The following ZFYVE28 variants were observed in gnomAD, a reference collection of about 807,000 sequenced individuals.
ZFYVE28 encodes lateral signaling target protein 2 homolog.
A neutral mutation model predicts 82.1 loss-of-function variants in ZFYVE28; 40 were observed. The observed-to-expected ratio is 0.49, with a 90% CI of 0.38 to 0.63. The LOEUF (loss-of-function observed/expected upper bound fraction) is 0.63, where lower values mean the gene tolerates loss of function less well. Among genes scored for constraint, ZFYVE28 ranks in the 30% least tolerant of loss-of-function variants. The pLI is 0.00. For synonymous variants in ZFYVE28, 612 were observed against 546.1 expected (o/e 1.12, Z -1.68); for missense variants, 1,321 against 1,242.1 (o/e 1.06, Z -0.96).
intron 8 of ZFYVE28, among the ~76,000 whole-genome samples, chr4:2,298,303 G>C (rs577974222): frequency 6.6e-6 from 1 of 152,154 alleles, no homozygotes; most frequent in Non-Finnish European, 1.5e-5. Context: ...GTGGTGATGC[G>C]TGAGGAGTGC....
intron 7 of ZFYVE28, among the ~76,000 whole-genome samples, chr4:2,309,431 CG>C (rs752589251): frequency 2.0e-4 from 31 of 152,266 alleles, no homozygotes; most frequent in East Asian, 9.6e-4. Flanking sequence ...GATTTCATTT[CG>C]CATTTATTTA....
intron 1 of ZFYVE28, among the ~76,000 whole-genome samples, chr4:2,392,811 A>G (rs1000764878): frequency 6.6e-6 from 1 of 152,142 alleles, no homozygotes; most frequent in Non-Finnish European, 1.5e-5. Flanking sequence ...CCCATACCCA[A>G]TATTTAAAGT....
chr4:2,350,895 T>G (rs947685437), intron 2 of ZFYVE28, among the ~76,000 whole-genome samples: 4 of 152,222 alleles, frequency 2.6e-5, no homozygotes, highest in Admixed American at 1.3e-4. Flanking sequence ...TTGGGACCCT[T>G]CCCGACCTTA....
At chr4:2,287,814 C>G (rs572081409) in intron 8 of ZFYVE28, 1 of 152,358 alleles carries the variant, frequency 6.6e-6, no homozygotes, top group South Asian at 2.1e-4. Context: ...GCGAGGGGGG[C>G]ACTCTGAGGG....
Position 2,339,274 on chromosome 4 carries a change from C to T in ZFYVE28, c.521+179G>A, listed in dbSNP as rs1722363007. ...TCACCCCACTCCCTGGAAAGATGCCCCACCTCACCTCCACGCTATGCTCTC... is the reference window on the plus strand; with the variant it reads ...TCACCCCACTCCCTGGAAAGATGCCTCACCTCACCTCCACGCTATGCTCTC... On this transcript the variant is annotated intron_variant, in intron 4 of 12. Coordinates refer to ENST00000290974, the MANE Select transcript of ZFYVE28 (RefSeq NM_020972.3). This position sits in a 1 kb window ranked among gnomAD's most constrained non-coding sequence, Gnocchi z 5.0. 6.6e-6 allele frequency among the ~76,000 whole-genome samples: 1 copy of T among 152,194 alleles called. No individual in the cohort carries two copies. Among genetic ancestry groups the T allele is most frequent in the African/African-American group, 2.4e-5 (1 of 41,438 alleles).
At chr4:2,404,927 A>G (rs114214741) in intron 1 of ZFYVE28, among the ~76,000 whole-genome samples, 4,295 of 138,636 alleles carry the variant, frequency 0.031, 189 homozygotes, top group African/African-American at 0.11. Flanking sequence ...GTGCAGTGGC[A>G]CAGTCGTAGT....
rs1229951818 is a variant in ZFYVE28 at position 2,335,888 on chromosome 4, T to C, written c.612-94A>G. 8.7e-6 allele frequency: 9 copies of C among 1,040,410 alleles called. No individual in the cohort carries two copies. In the East Asian group the frequency reaches 2.3e-4, roughly 27 times the overall value. The allele number at this position is 1,040,410 out of a possible 1,614,324, so 64.4% of individuals were successfully genotyped here. On this transcript the variant is annotated intron_variant, in intron 5 of 12. Coordinates refer to ENST00000290974, the MANE Select transcript of ZFYVE28 (RefSeq NM_020972.3). This position sits in a 1 kb window ranked among gnomAD's most constrained non-coding sequence, Gnocchi z 5.8. The stretch of plus-strand genomic sequence containing the variant: ...AGGGACAGGCAGTGCGCTCAATCTG[T>C]ACCTGCAGCCACGCGTGGTGGCCAC...
chr4:2,336,148 A>G (rs1721654077), intron 5 of ZFYVE28, among the ~76,000 whole-genome samples: 1 of 152,096 alleles, frequency 6.6e-6, no homozygotes, highest in Non-Finnish European at 1.5e-5. Context: ...CAGCCAGGAG[A>G]CCGAAACAAC....
In ZFYVE28 at chr4:2,304,825, G is replaced by A; in HGVS notation, c.1515C>T (p.Ala505=). 1.9e-6 allele frequency: 3 copies of A among 1,612,694 alleles called. No individual in the cohort carries two copies. Among genetic ancestry groups the A allele is most frequent in the Non-Finnish European group, 8.5e-7 (1 of 1,179,938 alleles). ...ADDAETAEMI[A]HRTGGMKLSA... is the part of the protein sequence containing the mutation. Reference sequence around the variant, plus strand: ...AGAGCTTCATGCCCCCTGTCCGGTGGGCGATCATCTCAGCCGTCTCTGCGT... The same window carrying A: ...AGAGCTTCATGCCCCCTGTCCGGTGAGCGATCATCTCAGCCGTCTCTGCGT... Residue 505 remains alanine, a synonymous_variant, in exon 8 of 13, where the codon GCC becomes GCT. Transcript: ENST00000290974.
intron 2 of ZFYVE28, 114 bp downstream of exon 2, chr4:2,353,819 C>T: frequency 8.0e-7 from 1 of 1,250,492 alleles, no homozygotes; most frequent in East Asian, 3.1e-5. Context: ...GCACCCGACC[C>T]TGACAACGCC....
intron 8 of ZFYVE28, among the ~76,000 whole-genome samples, chr4:2,293,576 AC>A (rs1577935934): frequency 6.6e-6 from 1 of 151,864 alleles, no homozygotes; most frequent in East Asian, 1.9e-4. Context: ...ACACGGTGAA[AC>A]CCCGTCTCTA....
intron 2 of ZFYVE28, among the ~76,000 whole-genome samples, chr4:2,346,286 G>A (rs1723569588): frequency 6.7e-6 from 1 of 149,688 alleles, no homozygotes; most frequent in Non-Finnish European, 1.5e-5. Context: ...AGCTAGCAGT[G>A]AGCCGAGATC....
chr4:2,270,441 GC>G lies in ZFYVE28; in HGVS notation c.*283del. 1 of 487,250 alleles carries G rather than the reference GC, an allele frequency of 2.1e-6. No individual in the cohort carries two copies. The highest frequency in any genetic ancestry group is 3.4e-5 in the Admixed American group (1 of 29,166). 30.2% of individuals were successfully genotyped at this position (487,250 alleles called of 1,614,324 possible). On this transcript the variant is annotated 3_prime_UTR_variant, in exon 13 of 13. Transcript: ENST00000290974. ...AGATCTCCGAGGGACCAGTGGGAGG[GC>G]CCAGGCCTTCTCCGCCAGGCACCCT...
intron 8 of ZFYVE28, among the ~76,000 whole-genome samples, chr4:2,279,169 A>G (rs1160903919): frequency 2.6e-5 from 4 of 152,182 alleles, no homozygotes; most frequent in African/African-American, 9.7e-5. Flanking sequence ...TGAACACATC[A>G]TATTGTCATC....
At chr4:2,322,221 C>A (rs958485447) in intron 6 of ZFYVE28, among the ~76,000 whole-genome samples, 2 of 152,196 alleles carry the variant, frequency 1.3e-5, no homozygotes, top group Admixed American at 6.5e-5. Context: ...GGGGAGCGGC[C>A]CCCGGGCGGC....
intron 8 of ZFYVE28, among the ~76,000 whole-genome samples, chr4:2,296,223 T>C (rs1714550597): frequency 1.3e-5 from 2 of 152,196 alleles, no homozygotes; most frequent in Admixed American, 6.5e-5. Context: ...CTGGCCTGCG[T>C]GCCTACTGCA....
In ZFYVE28 at chr4:2,341,560, C is replaced by T. The variant is rs750085043; in HGVS notation, c.236G>A (p.Arg79His). 1.9e-6 allele frequency: 3 copies of T among 1,613,940 alleles called. No homozygotes were observed. The highest frequency in any genetic ancestry group is 1.1e-5 in the South Asian group (1 of 91,070). The change falls in exon 3 of 13, where the codon CGC (arginine) becomes CAC (histidine). Residue 79 changes from arginine (R) to histidine (H), a missense_variant. Transcript: ENST00000290974. This position sits in a 1 kb window ranked among gnomAD's most constrained non-coding sequence, Gnocchi z 4.5. ...CTTGACGCAGAAATCTCTGGGGGCGCGGTCCTGGGGGATGCACTCATCCAT... is the reference window on the plus strand; with the variant it reads ...CTTGACGCAGAAATCTCTGGGGGCGTGGTCCTGGGGGATGCACTCATCCAT... The part of the protein sequence containing the change: ...QIMDECIPQD[R>H]APRDFCVKFP...
intron 1 of ZFYVE28, among the ~76,000 whole-genome samples, chr4:2,410,454 CT>C (rs11358765): frequency 0.27 from 32,119 of 119,222 alleles, 3,384 homozygotes; most frequent in East Asian, 0.34. Flanking sequence ...TCCTCCCTTT[CT>C]TTTTTTTTTT....
intron 10 of ZFYVE28, 36 bp downstream of exon 10, chr4:2,273,137 C>T (rs751041682): frequency 7.2e-6 from 11 of 1,536,862 alleles, no homozygotes; most frequent in Non-Finnish European, 9.8e-6. Flanking sequence ...CGGCCACCAG[C>T]GCAGGCCTCA....
Sources: allele counts gnomAD v4.1 joint callset (sites outside exome capture counted in the v4.1 genomes callset), GRCh38; gene constraint gnomAD v4.1.1; non-coding constraint Gnocchi (gnomAD v3.1); transcripts MANE v1.5; gene names NCBI Gene and HGNC (gene_info 2026-07-23, HGNC 2026-07-21).